The following CSRNP3 variants were observed in gnomAD, a reference collection of about 807,000 sequenced individuals.
The protein encoded by CSRNP3 is cysteine and serine rich nuclear protein 3.
In CSRNP3, 12 loss-of-function variants were observed where a neutral mutation model predicts 48.0. The observed-to-expected ratio is 0.25, with a 90% CI of 0.16 to 0.41. The LOEUF is 0.41. Ranked by LOEUF, CSRNP3 falls within the 10% of genes least tolerant of loss-of-function variation. CSRNP3 has a pLI of 1.00. For missense variants in CSRNP3, 580 were observed against 724.4 expected (o/e 0.80, Z 2.29); for synonymous variants, 263 against 269.7 (o/e 0.98, Z 0.24).
intron 1 of CSRNP3, among the ~76,000 whole-genome samples, chr2:165,489,684 C>A (rs1274142476): frequency 8.1e-6 from 1 of 123,432 alleles, no homozygotes. Context: ...TAAACAGAGC[C>A]AAAGACAAAA....
At chr2:165,473,732 A>G (rs796879214) in intron 1 of CSRNP3, among the ~76,000 whole-genome samples, 28 of 152,288 alleles carry the variant, frequency 1.8e-4, no homozygotes, top group African/African-American at 6.7e-4. Context: ...ACATATCTCA[A>G]TGAATCAGTT....
At chr2:165,590,070 T>G (rs1240989579) in intron 3 of CSRNP3, among the ~76,000 whole-genome samples, 1 of 152,224 alleles carries the variant, frequency 6.6e-6, no homozygotes, top group East Asian at 1.9e-4. Context: ...TACTTTTATT[T>G]CAAGACTTTA....
intron 4 of CSRNP3, among the ~76,000 whole-genome samples, chr2:165,643,838 T>G (rs6717317): frequency 0.1 from 15,459 of 152,248 alleles, 1,081 homozygotes; most frequent in African/African-American, 0.19. Flanking sequence ...CATGCCTGTA[T>G]ATTATAAAAT....
intron 4 of CSRNP3, among the ~76,000 whole-genome samples, chr2:165,611,379 G>GTGTGCGTGTA (rs56146559): frequency 6.6e-6 from 1 of 150,944 alleles, no homozygotes; most frequent in African/African-American, 2.4e-5. Flanking sequence ...GTGTGTGTGT[G>GTGTGCGTGTA]TATATACATA....
chr2:165,551,750 C>T lies in CSRNP3; in HGVS notation c.-24+33789C>T, dbSNP rs918980019. Reference sequence around the variant, plus strand: ...TATACCGTGAAACCTTGGATTACCACTCTGCTTCTTGTAGCAAAAAAGAAT... The same window carrying T: ...TATACCGTGAAACCTTGGATTACCATTCTGCTTCTTGTAGCAAAAAAGAAT... On this transcript the variant is annotated intron_variant, in intron 3 of 6. Transcript: ENST00000651982. Among the ~76,000 whole-genome samples, 4 of 152,038 alleles carry T rather than the reference C, an allele frequency of 2.6e-5. No individual in the cohort carries two copies. The East Asian group carries it at 7.7e-4, about 29-fold the overall frequency.
intron 4 of CSRNP3, among the ~76,000 whole-genome samples, chr2:165,643,532 G>T (rs1686761275): frequency 6.6e-6 from 1 of 152,140 alleles, no homozygotes; most frequent in Non-Finnish European, 1.5e-5. Flanking sequence ...GCTGCTTCCT[G>T]TGCTGTGAAT....
chr2:165,544,020 A>G (rs1034009227), intron 3 of CSRNP3, among the ~76,000 whole-genome samples: 5 of 151,628 alleles, frequency 3.3e-5, no homozygotes, highest in Non-Finnish European at 4.4e-5. Flanking sequence ...TACACACACA[A>G]TGTTTGAATA....
chr2:165,527,711 G>T (rs1684756303), intron 3 of CSRNP3, among the ~76,000 whole-genome samples: 1 of 152,014 alleles, frequency 6.6e-6, no homozygotes, highest in African/African-American at 2.4e-5. Flanking sequence ...TTAAAAGTAG[G>T]TATAGAATAT....
At chr2:165,655,570 T>C (rs79556258) in intron 4 of CSRNP3, among the ~76,000 whole-genome samples, 8,663 of 152,274 alleles carry the variant, frequency 0.057, 397 homozygotes, top group Non-Finnish European at 0.086. Flanking sequence ...TGAGCACTTG[T>C]ATCAGTTTCC....
chr2:165,473,262 A>G (rs1268528934), intron 1 of CSRNP3, among the ~76,000 whole-genome samples: 1 of 152,108 alleles, frequency 6.6e-6, no homozygotes, highest in Non-Finnish European at 1.5e-5. Context: ...TGGCCTCTTA[A>G]AGTCTCACAA....
At chr2:165,675,421 GA>G (rs1309006321) in intron 5 of CSRNP3, among the ~76,000 whole-genome samples, 1 of 152,122 alleles carries the variant, frequency 6.6e-6, no homozygotes, top group Non-Finnish European at 1.5e-5. Context: ...CATATTCAGA[GA>G]AAACTTCTTT....
At chr2:165,560,835 G>T (rs1685225388) in intron 3 of CSRNP3, among the ~76,000 whole-genome samples, 1 of 152,134 alleles carries the variant, frequency 6.6e-6, no homozygotes, top group African/African-American at 2.4e-5. Flanking sequence ...TATGTACTTG[G>T]CTTGCAGATC....
At chr2:165,672,250 C>T (rs1687343539) in intron 5 of CSRNP3, among the ~76,000 whole-genome samples, 1 of 152,276 alleles carries the variant, frequency 6.6e-6, no homozygotes, top group South Asian at 2.1e-4. Flanking sequence ...CACCCTACTC[C>T]TGGTACCAGT....
At chr2:165,609,465 G>GAAAAAAAAAAAAAA (rs34249194) in intron 4 of CSRNP3, among the ~76,000 whole-genome samples, 2 of 97,570 alleles carry the variant, frequency 2.0e-5, no homozygotes, top group Non-Finnish European at 3.8e-5. Flanking sequence ...TCTAAAAAAA[G>GAAAAAAAAAAAAAA]AAAAAAAAAA....
At chr2:165,634,667 T>A (rs573563509) in intron 4 of CSRNP3, among the ~76,000 whole-genome samples, 1 of 152,304 alleles carries the variant, frequency 6.6e-6, no homozygotes, top group African/African-American at 2.4e-5. Context: ...CAACCTAGAT[T>A]ACATTAGGAA....
intron 1 of CSRNP3, among the ~76,000 whole-genome samples, chr2:165,489,608 TGG>T (rs1684173527): frequency 8.4e-6 from 1 of 119,216 alleles, no homozygotes. Flanking sequence ...CATGATCAAG[TGG>T]GCTTCATCCC....
intron 1 of CSRNP3, among the ~76,000 whole-genome samples, chr2:165,478,024 G>C (rs1013260780): frequency 1.5e-4 from 22 of 150,876 alleles, no homozygotes; most frequent in Non-Finnish European, 2.8e-4. Flanking sequence ...AGAAAGAAGA[G>C]AGAGAGGGAA....
intron 4 of CSRNP3, among the ~76,000 whole-genome samples, chr2:165,619,910 A>T (rs566158705): frequency 6.6e-6 from 1 of 152,272 alleles, no homozygotes; most frequent in Admixed American, 6.5e-5. Flanking sequence ...GGGGGTACAT[A>T]TTCTTAGTAA....
intron 2 of CSRNP3, among the ~76,000 whole-genome samples, chr2:165,497,419 C>T (rs1684298576): frequency 6.6e-6 from 1 of 152,002 alleles, no homozygotes; most frequent in South Asian, 2.1e-4. Context: ...TTGAGATAAA[C>T]AGTGGGGAGG....
Sources: allele counts gnomAD v4.1 joint callset (sites outside exome capture counted in the v4.1 genomes callset), GRCh38; gene constraint gnomAD v4.1.1; transcripts MANE v1.5; gene names NCBI Gene and HGNC (gene_info 2026-07-23, HGNC 2026-07-21).